TMEM163: variants seen among roughly 807,000 people sequenced by gnomAD.
The protein encoded by TMEM163 is transmembrane protein 163.
TMEM163 carries 17 observed loss-of-function variants against 29.3 expected under a neutral mutation model. The observed-to-expected ratio is 0.58, with a 90% CI of 0.40 to 0.87. The LOEUF is 0.87. TMEM163 is among the 40% of genes least tolerant of loss of function. The probability of loss-of-function intolerance (pLI) is 0.00; values close to 1 mark genes in which losing one functional copy is unlikely to be tolerated. For synonymous variants in TMEM163, 157 were observed against 160.6 expected (o/e 0.98, Z 0.17); for missense variants, 303 against 381.5 (o/e 0.79, Z 1.71).
At chr2:134,638,173 C>T (rs1264139179) in intron 2 of TMEM163, among the ~76,000 whole-genome samples, 1 of 152,132 alleles carries the variant, frequency 6.6e-6, no homozygotes, top group Non-Finnish European at 1.5e-5. Flanking sequence ...TAGACACATA[C>T]CTCATTATTA....
intron 2 of TMEM163, among the ~76,000 whole-genome samples, chr2:134,578,404 C>T (rs1287648486): frequency 2.0e-5 from 3 of 152,132 alleles, no homozygotes; most frequent in Non-Finnish European, 2.9e-5. Context: ...GCACTGGTCT[C>T]GCCTTTCTAG....
intron 4 of TMEM163, among the ~76,000 whole-genome samples, chr2:134,529,122 G>A (rs1680358414): frequency 6.6e-6 from 1 of 152,166 alleles, no homozygotes; most frequent in Non-Finnish European, 1.5e-5. Flanking sequence ...TTTGAGGCCA[G>A]GAGTTCAAGA....
chr2:134,483,652 C>A (rs1030874257), intron 5 of TMEM163, among the ~76,000 whole-genome samples: 1 of 152,208 alleles, frequency 6.6e-6, no homozygotes, highest in South Asian at 2.1e-4. Flanking sequence ...CTCCTGCCCC[C>A]CGGCCTTAAG....
At chr2:134,529,585 AC>A (rs1680374949) in intron 4 of TMEM163, among the ~76,000 whole-genome samples, 1 of 151,864 alleles carries the variant, frequency 6.6e-6, no homozygotes, top group African/African-American at 2.4e-5. Context: ...CCCTATCTCT[AC>A]AAAAAAAAGT....
chr2:134,713,101 A>T, intron 2 of TMEM163, 99 bp downstream of exon 2: 1 of 1,524,356 alleles, frequency 6.6e-7, no homozygotes, highest in African/African-American at 1.4e-5. Flanking sequence ...TTTACTCATC[A>T]ATAATAGTCA....
chr2:134,465,421 C>T (rs934323781), intron 6 of TMEM163, among the ~76,000 whole-genome samples: 2 of 152,190 alleles, frequency 1.3e-5, no homozygotes, highest in South Asian at 2.1e-4. Context: ...CCCTGGGCTC[C>T]GCACATGCCC....
intron 2 of TMEM163, among the ~76,000 whole-genome samples, chr2:134,572,657 C>T (rs750277477): frequency 1.5e-4 from 23 of 152,168 alleles, no homozygotes; most frequent in Admixed American, 2.6e-4. Flanking sequence ...CAGAATCCTC[C>T]CCACTTGGCT....
intron 2 of TMEM163, among the ~76,000 whole-genome samples, chr2:134,663,485 C>T (rs1270700927): frequency 6.6e-6 from 1 of 152,218 alleles, no homozygotes; most frequent in Non-Finnish European, 1.5e-5. Flanking sequence ...GAGTACTGCA[C>T]TTGGTTCTGG....
At chr2:134,683,560 C>G (rs1684292511) in intron 2 of TMEM163, among the ~76,000 whole-genome samples, 1 of 152,092 alleles carries the variant, frequency 6.6e-6, no homozygotes, top group African/African-American at 2.4e-5. Context: ...TAACTTGACA[C>G]TATTACCTAA....
chr2:134,577,065 T>C (rs1681572047), intron 2 of TMEM163, among the ~76,000 whole-genome samples: 2 of 152,176 alleles, frequency 1.3e-5, no homozygotes, highest in Non-Finnish European at 2.9e-5. Flanking sequence ...TGCTCCAACC[T>C]TACCCCAGTA....
At chr2:134,483,754 C>T (rs902757395) in intron 5 of TMEM163, among the ~76,000 whole-genome samples, 4 of 152,172 alleles carry the variant, frequency 2.6e-5, no homozygotes, top group Non-Finnish European at 4.4e-5. Context: ...AAGACATGTA[C>T]GACGCTCTTT....
chr2:134,487,882 C>G, intron 5 of TMEM163, among the ~76,000 whole-genome samples: 1 of 152,082 alleles, frequency 6.6e-6, no homozygotes, highest in East Asian at 1.9e-4. Context: ...ATTTTAAAGT[C>G]TAACCTTTAA....
chr2:134,704,404 G>A (rs1389503035), intron 2 of TMEM163, among the ~76,000 whole-genome samples: 1 of 152,092 alleles, frequency 6.6e-6, no homozygotes, highest in Non-Finnish European at 1.5e-5. Context: ...ACATGTCCCT[G>A]CGGCAGCCCA....
intron 4 of TMEM163, among the ~76,000 whole-genome samples, chr2:134,516,585 TC>T (rs1680061121): frequency 6.7e-6 from 1 of 148,332 alleles, no homozygotes; most frequent in African/African-American, 2.5e-5. Context: ...ATATATATAT[TC>T]ATATATATTC....
chr2:134,578,954 C>T (rs966776876), intron 2 of TMEM163, among the ~76,000 whole-genome samples: 1 of 152,088 alleles, frequency 6.6e-6, no homozygotes, highest in Non-Finnish European at 1.5e-5. Context: ...CTGGATGCAC[C>T]CAGTATTTGA....
intron 2 of TMEM163, among the ~76,000 whole-genome samples, chr2:134,642,720 T>C (rs1380458655): frequency 6.6e-6 from 1 of 151,966 alleles, no homozygotes; most frequent in African/African-American, 2.4e-5. Flanking sequence ...GACAAGAAAA[T>C]CTTTAAACAT....
At chr2:134,484,761 G>T (rs1679274176) in intron 5 of TMEM163, among the ~76,000 whole-genome samples, 2 of 152,214 alleles carry the variant, frequency 1.3e-5, no homozygotes, top group South Asian at 4.1e-4. Flanking sequence ...ATACTGGGAA[G>T]AGGGGTAATT....
intron 2 of TMEM163, among the ~76,000 whole-genome samples, chr2:134,631,523 G>A (rs1682970921): frequency 6.6e-6 from 1 of 152,122 alleles, no homozygotes; most frequent in Non-Finnish European, 1.5e-5. Flanking sequence ...CTACTGGAAA[G>A]GGTATTTATC....
chr2:134,505,550 G>C (rs1397294085), intron 4 of TMEM163, among the ~76,000 whole-genome samples: 1 of 152,094 alleles, frequency 6.6e-6, no homozygotes, highest in African/African-American at 2.4e-5. Flanking sequence ...TTGTCAACCA[G>C]CTTTCACTCC....
Sources: allele counts gnomAD v4.1 joint callset (sites outside exome capture counted in the v4.1 genomes callset), GRCh38; gene constraint gnomAD v4.1.1; transcripts MANE v1.5; gene names NCBI Gene and HGNC (gene_info 2026-07-23, HGNC 2026-07-21).